The following CCDC102B variants were observed in gnomAD, a reference collection of about 807,000 sequenced individuals.
The protein encoded by CCDC102B is coiled-coil domain containing 102B.
CCDC102B carries 75 observed loss-of-function variants against 57.4 expected under a neutral mutation model. That is an observed-to-expected ratio of 1.31 (90% confidence interval 1.08 to 1.58). The LOEUF (loss-of-function observed/expected upper bound fraction) is 1.58. Ranked by LOEUF, CCDC102B falls within the 40% of genes most tolerant of loss-of-function variation. The pLI is 0.00. For synonymous variants in CCDC102B, 206 were observed against 201.9 expected (o/e 1.02, Z -0.17); for missense variants, 636 against 582.6 (o/e 1.09, Z -0.94).
At chr18:68,838,996 A>G in intron 3 of CCDC102B, 70 bp downstream of exon 3, 2 of 1,217,608 alleles carry the variant, frequency 1.6e-6, no homozygotes, top group Non-Finnish European at 1.2e-6. Context: ...TAATACAGAT[A>G]GATTGGTCAT....
rs185914593 is a variant in CCDC102B, at chr18:68,755,799, C to T, written c.-67+39205C>T. On this transcript the variant is annotated intron_variant, in intron 2 of 3. Coordinates refer to the CCDC102B transcript ENST00000578970. ...GAGAATTCAATAACCATAGAAAAACCATAAGAATCAATCATGTAGAAGACC... is the reference window on the plus strand; with the variant it reads ...GAGAATTCAATAACCATAGAAAAACTATAAGAATCAATCATGTAGAAGACC... Among the ~76,000 whole-genome samples the T allele has an allele frequency of 3.5e-3, 532 of 150,938 alleles. 1 individual carries two copies. The highest frequency in any genetic ancestry group is 0.012 in the African/African-American group (514 of 41,308).
chr18:69,032,802 A>G (rs2052183582), intron 7 of CCDC102B, among the ~76,000 whole-genome samples: 1 of 152,120 alleles, frequency 6.6e-6, no homozygotes, highest in African/African-American at 2.4e-5. Flanking sequence ...TTAGTCCCTC[A>G]AGGCATCTAT....
At chr18:68,879,377 G>T (rs1467290813) in intron 5 of CCDC102B, among the ~76,000 whole-genome samples, 2 of 152,152 alleles carry the variant, frequency 1.3e-5, no homozygotes, top group Non-Finnish European at 2.9e-5. Context: ...GGGGACTCGA[G>T]CGGGTTGCCA....
At chr18:68,961,287 G>A (rs1327806673) in intron 6 of CCDC102B, among the ~76,000 whole-genome samples, 1 of 151,824 alleles carries the variant, frequency 6.6e-6, no homozygotes, top group Non-Finnish European at 1.5e-5. Context: ...CTGAAAATAT[G>A]AAAAGTGATT....
intron 7 of CCDC102B, among the ~76,000 whole-genome samples, chr18:69,019,173 C>A (rs2051755634): frequency 6.6e-6 from 1 of 151,966 alleles, no homozygotes. Flanking sequence ...CTCAAAATTT[C>A]TTTTTAAGAC....
At chr18:69,041,544 GC>G (rs2052434545) in intron 7 of CCDC102B, among the ~76,000 whole-genome samples, 1 of 151,968 alleles carries the variant, frequency 6.6e-6, no homozygotes, top group South Asian at 2.1e-4. Context: ...CCGGTTTAAT[GC>G]CCAAAGCCCT....
intron 2 of CCDC102B, among the ~76,000 whole-genome samples, chr18:68,787,946 G>T (rs2035273477): frequency 1.3e-5 from 2 of 150,904 alleles, no homozygotes; most frequent in South Asian, 4.3e-4. Flanking sequence ...GATCTTTCCT[G>T]CTTTCTCTTG....
chr18:68,726,903 A>G (rs938454524), intron 2 of CCDC102B, among the ~76,000 whole-genome samples: 4 of 152,160 alleles, frequency 2.6e-5, no homozygotes, highest in Non-Finnish European at 5.9e-5. Context: ...CCCTGTAAAG[A>G]CTGTAAAATT....
upstream of CCDC102B, among the ~76,000 whole-genome samples, chr18:68,796,935 C>G (rs1019920262): frequency 6.6e-6 from 1 of 151,808 alleles, no homozygotes; most frequent in African/African-American, 2.4e-5. Context: ...GGCTGGAGAA[C>G]TTTCAATCAT....
intron 5 of CCDC102B, among the ~76,000 whole-genome samples, chr18:68,888,280 C>T (rs1026299601): frequency 1.1e-3 from 165 of 152,246 alleles, no homozygotes; most frequent in African/African-American, 3.9e-3. Context: ...GGTGTTATAT[C>T]TTCCTAATTG....
intron 6 of CCDC102B, among the ~76,000 whole-genome samples, chr18:68,958,352 C>T (rs1302587362): frequency 1.3e-5 from 2 of 152,134 alleles, no homozygotes; most frequent in Non-Finnish European, 2.9e-5. Flanking sequence ...GTCTTTCATT[C>T]TGTTGATATG....
At chr18:68,921,685 G>T (rs2041288381) in intron 6 of CCDC102B, among the ~76,000 whole-genome samples, 1 of 152,182 alleles carries the variant, frequency 6.6e-6, no homozygotes, top group Non-Finnish European at 1.5e-5. Flanking sequence ...TCTAAGAGCA[G>T]AGAAAGGCCT....
At chr18:68,981,474 C>T (rs2050579275) in intron 6 of CCDC102B, among the ~76,000 whole-genome samples, 1 of 151,950 alleles carries the variant, frequency 6.6e-6, no homozygotes, top group Non-Finnish European at 1.5e-5. Context: ...TGAACTCAGT[C>T]GTTAGGACTC....
intron 1 of CCDC102B, among the ~76,000 whole-genome samples, chr18:68,798,700 T>C (rs1296185721): frequency 6.6e-6 from 1 of 152,148 alleles, no homozygotes; most frequent in Admixed American, 6.6e-5. Context: ...AAACTTAGCA[T>C]GAATATTGAT....
At position 68,768,865 on chromosome 18, in the gene CCDC102B, C is replaced by A. The variant is rs925677490; in HGVS notation, c.-67+52271C>A. Reference sequence around the variant, plus strand: ...ATGAGGGAAATATGGATAAGAATTTCTTAAACTATTATAACAAGTAATGGA... The same window carrying A: ...ATGAGGGAAATATGGATAAGAATTTATTAAACTATTATAACAAGTAATGGA... On this transcript the variant is annotated intron_variant, in intron 2 of 3. Transcript: ENST00000578970. Among the ~76,000 whole-genome samples, 3 of 151,962 alleles carry A rather than the reference C, an allele frequency of 2.0e-5. No homozygotes were observed. The East Asian group carries it at 5.8e-4, about 29-fold the overall frequency.
downstream of CCDC102B, among the ~76,000 whole-genome samples, chr18:69,057,349 A>G (rs2052834118): frequency 6.6e-6 from 1 of 151,918 alleles, no homozygotes; most frequent in African/African-American, 2.4e-5. Context: ...CTTCCACTCA[A>G]CCCATGGGGT....
intron 5 of CCDC102B, among the ~76,000 whole-genome samples, chr18:68,890,577 A>G (rs778003855): frequency 6.6e-6 from 1 of 152,082 alleles, no homozygotes; most frequent in South Asian, 2.1e-4. Flanking sequence ...TGTATAATGC[A>G]CTCCCTTACC....
chr18:68,746,528 G>A (rs1482726316), intron 2 of CCDC102B, among the ~76,000 whole-genome samples: 3 of 152,040 alleles, frequency 2.0e-5, no homozygotes, highest in Non-Finnish European at 2.9e-5. Context: ...CCTGAACAGC[G>A]AAATGATGGC....
At chr18:68,723,922 C>T (rs2032475785) in intron 2 of CCDC102B, among the ~76,000 whole-genome samples, 1 of 152,208 alleles carries the variant, frequency 6.6e-6, no homozygotes, top group South Asian at 2.1e-4. Context: ...TCTGCCCTCC[C>T]CTAGTAGAGG....
Sources: gnomAD v4.1 joint callset for allele counts (sites outside exome capture counted in the v4.1 genomes callset) on GRCh38, gnomAD v4.1.1 for gene constraint, MANE v1.5 for transcripts, NCBI Gene and HGNC (gene_info 2026-07-23, HGNC 2026-07-21) for gene names.